Variants in BCL2L13 observed in about 807,000 individuals in gnomAD.
BCL2L13 encodes the protein bcl-2-like protein 13.
In BCL2L13, 13 loss-of-function variants were observed where a neutral mutation model predicts 25.8. The observed-to-expected ratio is 0.50, with a 90% CI of 0.33 to 0.80. The LOEUF is 0.80. Ranked by LOEUF, BCL2L13 falls within the 30% of genes least tolerant of loss-of-function variation. BCL2L13 has a pLI of 0.02. For synonymous variants in BCL2L13, 244 were observed against 230.3 expected (o/e 1.06, Z -0.54); for missense variants, 504 against 574.9 (o/e 0.88, Z 1.26).
intron 1 of BCL2L13, among the ~76,000 whole-genome samples, chr22:17,653,064 C>G (rs1194071748): frequency 6.6e-6 from 1 of 150,818 alleles, no homozygotes; most frequent in African/African-American, 2.4e-5. Flanking sequence ...GACTCAGTCT[C>G]AAAAAAAAGA....
At chr22:17,643,942 T>A (rs1364341779) in intron 1 of BCL2L13, among the ~76,000 whole-genome samples, 1 of 149,640 alleles carries the variant, frequency 6.7e-6, no homozygotes, top group South Asian at 2.1e-4. Flanking sequence ...AGAATCTCAC[T>A]CTGTTGTCCA....
At chr22:17,629,221 G>A (rs1322210177) in intron 1 of BCL2L13, among the ~76,000 whole-genome samples, 1 of 152,174 alleles carries the variant, frequency 6.6e-6, no homozygotes, top group East Asian at 1.9e-4. Flanking sequence ...AAAAAAGGGG[G>A]ATACATGATT....
chr22:17,672,967 G>A (rs183709649), intron 2 of BCL2L13, among the ~76,000 whole-genome samples: 1 of 152,252 alleles, frequency 6.6e-6, no homozygotes, highest in Admixed American at 6.5e-5. Context: ...TGTATTCCTT[G>A]TCACTGTGCG....
chr22:17,693,051 G>A (rs926954146), intron 4 of BCL2L13, among the ~76,000 whole-genome samples: 5 of 152,014 alleles, frequency 3.3e-5, no homozygotes, highest in African/African-American at 1.2e-4. Context: ...ATCTTAACTT[G>A]AAATGGGAGT....
upstream of BCL2L13, among the ~76,000 whole-genome samples, chr22:17,635,208 C>T (rs2146350915): frequency 6.7e-6 from 1 of 150,306 alleles, no homozygotes; most frequent in African/African-American, 2.5e-5. Flanking sequence ...GACAACACAG[C>T]AAGACGCTAT....
chr22:17,689,482 A>G (rs191162600), intron 4 of BCL2L13, among the ~76,000 whole-genome samples: 5 of 152,336 alleles, frequency 3.3e-5, no homozygotes, highest in Middle Eastern at 3.4e-3. Context: ...TGACATGAAT[A>G]TAATGGCTAG....
Position 17,638,769 on chromosome 22 carries a change from G to A in BCL2L13, c.-168G>A. On this transcript the variant is annotated 5_prime_UTR_variant, in exon 1 of 7. It removes an upstream start codon present in the reference 5' UTR. Coordinates refer to ENST00000317582, the MANE Select transcript of BCL2L13 (RefSeq NM_015367.4). ...CCGGGGTGACCTCACCCTCCAACAT[G>A]GCGGCGGCGGTAGATTAGGGCCGCG... 3 of 1,231,670 alleles carry A rather than the reference G, an allele frequency of 2.4e-6. No individual in the cohort carries two copies. The highest frequency in any genetic ancestry group is 3.0e-6 in the Non-Finnish European group (3 of 987,934). The allele number at this position is 1,231,670 out of a possible 1,614,324, so 76.3% of individuals were successfully genotyped here.
rs148151169 is a variant in BCL2L13 at position 17,641,362 on chromosome 22, G to T, written c.-51+2476G>T. Among the ~76,000 whole-genome samples the T allele has an allele frequency of 5.3e-3, 799 of 152,008 alleles. 9 individuals are homozygous for T. Among genetic ancestry groups the T allele is most frequent in the African/African-American group, 0.019 (769 of 41,458 alleles). ...TGTTTAATATATATACAAAGTGGGG[G>T]TGGGTGGTATTTTCAGATTGGTTTA... is the stretch of plus-strand genomic sequence containing the variant. On this transcript the variant is annotated intron_variant, in intron 1 of 6. Coordinates refer to ENST00000317582, the MANE Select transcript of BCL2L13 (RefSeq NM_015367.4).
At chr22:17,682,464 A>C (rs758676108) in intron 2 of BCL2L13, among the ~76,000 whole-genome samples, 6 of 152,226 alleles carry the variant, frequency 3.9e-5, no homozygotes, top group Admixed American at 6.5e-5. Context: ...ATATAATTTG[A>C]AGTGGGGGGA....
chr22:17,631,105 ATT>A (rs3044580), intron 1 of BCL2L13, among the ~76,000 whole-genome samples: 1 of 143,386 alleles, frequency 7.0e-6, no homozygotes, highest in Non-Finnish European at 1.5e-5. Flanking sequence ...AAATCACTCA[ATT>A]TTTTTTTTTT....
At chr22:17,676,376 T>C (rs2059576952) in intron 2 of BCL2L13, among the ~76,000 whole-genome samples, 1 of 152,062 alleles carries the variant, frequency 6.6e-6, no homozygotes, top group Admixed American at 6.6e-5. Context: ...GGTGGGAGAA[T>C]TGCTTGAACC....
intron 1 of BCL2L13, among the ~76,000 whole-genome samples, chr22:17,643,261 G>C (rs1008601149): frequency 1.8e-4 from 28 of 152,134 alleles, no homozygotes; most frequent in African/African-American, 6.7e-4. Context: ...AGATGGGTGG[G>C]GTGAATTTTT....
At chr22:17,705,664 C>G (rs746692828) in intron 6 of BCL2L13, among the ~76,000 whole-genome samples, 3 of 152,076 alleles carry the variant, frequency 2.0e-5, no homozygotes, top group Non-Finnish European at 2.9e-5. Context: ...CAACATGAAT[C>G]TCCTTAAGAT....
chr22:17,706,538 T>C (rs1469510874), intron 6 of BCL2L13: 1 of 320,370 alleles, frequency 3.1e-6, no homozygotes, highest in African/African-American at 2.2e-5. Context: ...GATGTGAAAG[T>C]GTTTTGTGAA....
At chr22:17,637,489 A>G (rs2058132173), upstream of BCL2L13, among the ~76,000 whole-genome samples, 1 of 150,872 alleles carries the variant, frequency 6.6e-6, no homozygotes. Context: ...ATTCTCCTGC[A>G]TCGGCCTCCC....
chr22:17,715,122 T>TTATATATATATA (rs1371492072), intron 6 of BCL2L13, among the ~76,000 whole-genome samples: 45 of 52,958 alleles, frequency 8.5e-4, no homozygotes, highest in Non-Finnish European at 1.2e-3. Context: ...AGTGTTAATT[T>TTATATATATATA]TATATATATA....
chr22:17,644,731 G>A (rs192046418), intron 1 of BCL2L13, among the ~76,000 whole-genome samples: 8 of 151,134 alleles, frequency 5.3e-5, no homozygotes, highest in African/African-American at 1.2e-4. Flanking sequence ...TTTGGTTTTC[G>A]TTCTGTGAGG....
intron 6 of BCL2L13, among the ~76,000 whole-genome samples, chr22:17,723,981 A>G (rs1321949544): frequency 1.3e-5 from 2 of 152,148 alleles, no homozygotes; most frequent in Non-Finnish European, 2.9e-5. Flanking sequence ...CATTTTAAAA[A>G]TGAACTCAAG....
chr22:17,638,596 G>C (rs1462428503), upstream of BCL2L13: 27 of 1,023,082 alleles, frequency 2.6e-5, no homozygotes, highest in Non-Finnish European at 3.3e-5. Context: ...AATCAGATTT[G>C]GGCGGGCTAG....
Sources: gnomAD v4.1 joint callset for allele counts (sites outside exome capture counted in the v4.1 genomes callset) on GRCh38, gnomAD v4.1.1 for gene constraint, MANE v1.5 for transcripts, NCBI Gene and HGNC (gene_info 2026-07-23, HGNC 2026-07-21) for gene names.